FAM171A1: variants seen among roughly 807,000 people sequenced by gnomAD.
The protein encoded by FAM171A1 is family with sequence similarity 171 member A1.
Under a neutral mutation model 74.9 loss-of-function variants are expected in FAM171A1, and 23 were observed. The ratio of observed to expected loss-of-function variants is 0.31; its 90% CI spans 0.22 to 0.44. The LOEUF is 0.44. FAM171A1 is among the 20% of genes least tolerant of loss of function. The probability of loss-of-function intolerance (pLI) is 1.00; values close to 1 mark genes in which losing one functional copy is unlikely to be tolerated. For missense variants in FAM171A1, 1,162 were observed against 1,159.2 expected (o/e 1.00, Z -0.03); for synonymous variants, 527 against 505.7 (o/e 1.04, Z -0.57).
At chr10:15,325,592 C>G (rs1408428881) in intron 1 of FAM171A1, among the ~76,000 whole-genome samples, 3 of 152,178 alleles carry the variant, frequency 2.0e-5, no homozygotes, top group Non-Finnish European at 4.4e-5. Context: ...TAGCTTATGT[C>G]AGGGGCTTTC....
Position 15,214,151 on chromosome 10 carries a change from G to A in FAM171A1, c.1437C>T (p.Ser479=), listed in dbSNP as rs200789869. Residue 479 remains serine (S), a synonymous_variant, in exon 8 of 8, where the codon TCC becomes TCT. Coordinates refer to ENST00000378116, the MANE Select transcript of FAM171A1 (RefSeq NM_001010924.2). ...TACCCCTGTAGTCATCATTGCCCGA[G>A]GACTCGTAGCCTTCTCTTTCCATAG... ...RKSMEREGYE[S]SGNDDYRGSY... is the part of the protein sequence containing the mutation. 6.2e-7 allele frequency: 1 copy of A among 1,614,142 alleles called. No individual in the cohort carries two copies. The highest frequency in any genetic ancestry group is 2.2e-5 in the East Asian group (1 of 44,878).
intron 1 of FAM171A1, among the ~76,000 whole-genome samples, chr10:15,304,656 C>T (rs75617112): frequency 0.078 from 11,854 of 152,218 alleles, 494 homozygotes; most frequent in South Asian, 0.12. Flanking sequence ...TCTGTGTGGC[C>T]CTGCCTGTTA....
At chr10:15,299,488 G>GC (rs1835202331) in intron 1 of FAM171A1, among the ~76,000 whole-genome samples, 1 of 128,464 alleles carries the variant, frequency 7.8e-6, no homozygotes. Flanking sequence ...TTTTGTTTTT[G>GC]TTTTTTTTGT....
intron 5 of FAM171A1, among the ~76,000 whole-genome samples, chr10:15,238,779 T>C (rs1834328215): frequency 6.6e-6 from 1 of 152,206 alleles, no homozygotes; most frequent in Admixed American, 6.5e-5. Context: ...CCACCATTTC[T>C]ATAGCAACCC....
intron 1 of FAM171A1, among the ~76,000 whole-genome samples, chr10:15,352,187 C>T (rs572247233): frequency 6.6e-5 from 10 of 151,716 alleles, no homozygotes; most frequent in African/African-American, 2.2e-4. Context: ...TGCAATGAGC[C>T]GAAATCACGC....
chr10:15,340,500 G>A (rs56276505), intron 1 of FAM171A1, among the ~76,000 whole-genome samples: 78,945 of 151,834 alleles, frequency 0.52, 21,309 homozygotes, highest in Non-Finnish European at 0.61. Context: ...AACTCACTAT[G>A]TCAAAGGCCC....
At chr10:15,249,889 C>T (rs1834486328) in intron 4 of FAM171A1, among the ~76,000 whole-genome samples, 1 of 152,166 alleles carries the variant, frequency 6.6e-6, no homozygotes, top group African/African-American at 2.4e-5. Flanking sequence ...TACAATATCG[C>T]ACAAACTGTG....
chr10:15,262,179 C>G (rs913605549), intron 3 of FAM171A1, among the ~76,000 whole-genome samples: 2 of 152,006 alleles, frequency 1.3e-5, no homozygotes, highest in Admixed American at 1.3e-4. Context: ...TGGGAGTTAC[C>G]GGTAGGGAAG....
chr10:15,344,179 A>G (rs1835795166), intron 1 of FAM171A1, among the ~76,000 whole-genome samples: 1 of 152,228 alleles, frequency 6.6e-6, no homozygotes, highest in Non-Finnish European at 1.5e-5. Context: ...AGTTTGCTAA[A>G]AGTGCTGAGA....
At chr10:15,359,033 T>A (rs17156601) in intron 1 of FAM171A1, among the ~76,000 whole-genome samples, 1 of 152,162 alleles carries the variant, frequency 6.6e-6, no homozygotes, top group Non-Finnish European at 1.5e-5. Context: ...TTACGCTGCA[T>A]GCGATTGATG....
intron 1 of FAM171A1, among the ~76,000 whole-genome samples, chr10:15,296,608 T>C (rs555130111): frequency 7.6e-4 from 115 of 152,288 alleles, no homozygotes; most frequent in Non-Finnish European, 1.4e-3. Flanking sequence ...CGCTGGGCAC[T>C]AGAACCCCCC....
At chr10:15,231,717 T>A (rs12245904) in intron 5 of FAM171A1, among the ~76,000 whole-genome samples, 21,589 of 152,134 alleles carry the variant, frequency 0.14, 1,657 homozygotes, top group Middle Eastern at 0.17. Context: ...AAGCAACTTC[T>A]GAAATATTTC....
chr10:15,365,463 A>G lies in FAM171A1; in HGVS notation c.97+5493T>C, dbSNP rs1008710261. On this transcript the variant is annotated intron_variant, in intron 1 of 7. Transcript: ENST00000378116. ...AATTTGCAAAGATTAATAAGTTCTG[A>G]AAATGGTAAATGAAAGGAAGAAAAG... is the stretch of plus-strand genomic sequence containing the variant. 1.3e-4 allele frequency among the ~76,000 whole-genome samples: 20 copies of G among 152,346 alleles called. No individual in the cohort carries two copies. The South Asian group carries it at 3.9e-3, about 30-fold the overall frequency.
chr10:15,215,988 C>T lies in FAM171A1; in HGVS notation c.986+8G>A, dbSNP rs751813281. On this transcript the variant is annotated splice_region_variant and intron_variant, in intron 7 of 7. Coordinates refer to ENST00000378116, the MANE Select transcript of FAM171A1 (RefSeq NM_001010924.2). ...AAAAAAGATATTGCCAAAATGGTAA[C>T]ACTTTACCTGCAATAATATAAAAGG... is the stretch of plus-strand genomic sequence containing the variant. 7 of 1,568,444 alleles carry T rather than the reference C, an allele frequency of 4.5e-6. No individual in the cohort carries two copies. Among genetic ancestry groups the T allele is most frequent in the Non-Finnish European group, 6.1e-6 (7 of 1,153,254 alleles).
chr10:15,320,148 C>T (rs1170789690), intron 1 of FAM171A1, among the ~76,000 whole-genome samples: 1 of 152,060 alleles, frequency 6.6e-6, no homozygotes, highest in Non-Finnish European at 1.5e-5. Flanking sequence ...TCAAGTAGGC[C>T]CCGGTGTCTC....
chr10:15,232,341 C>G (rs1185129509), intron 5 of FAM171A1, among the ~76,000 whole-genome samples: 1 of 152,136 alleles, frequency 6.6e-6, no homozygotes, highest in Non-Finnish European at 1.5e-5. Context: ...CATCACTCTG[C>G]TTAATTGTTT....
At chr10:15,347,250 AAC>A (rs1378740675) in intron 1 of FAM171A1, among the ~76,000 whole-genome samples, 5 of 152,208 alleles carry the variant, frequency 3.3e-5, no homozygotes, top group Non-Finnish European at 7.3e-5. Flanking sequence ...TATAGTTGAT[AAC>A]AGTCGAACTC....
chr10:15,335,214 A>G (rs1396924906), intron 1 of FAM171A1, among the ~76,000 whole-genome samples: 1 of 152,216 alleles, frequency 6.6e-6, no homozygotes, highest in African/African-American at 2.4e-5. Flanking sequence ...ACTGCATTCC[A>G]GCCTGGGCGA....
chr10:15,319,731 T>C (rs1167351030), intron 1 of FAM171A1, among the ~76,000 whole-genome samples: 1 of 152,108 alleles, frequency 6.6e-6, no homozygotes, highest in African/African-American at 2.4e-5. Context: ...CCCCGCCTGG[T>C]CTGTCCAGGG....
Sources: gnomAD v4.1 joint callset for allele counts (sites outside exome capture counted in the v4.1 genomes callset) on GRCh38, gnomAD v4.1.1 for gene constraint, MANE v1.5 for transcripts, NCBI Gene and HGNC (gene_info 2026-07-23, HGNC 2026-07-21) for gene names.